Variants in KIAA1328 observed in about 807,000 individuals in gnomAD.
The protein encoded by KIAA1328 is KIAA1328.
A neutral mutation model predicts 68.1 loss-of-function variants in KIAA1328; 52 were observed. The observed-to-expected ratio is 0.76, with a 90% CI of 0.61 to 0.96. The LOEUF (loss-of-function observed/expected upper bound fraction) is 0.96. KIAA1328 is among the 40% of genes least tolerant of loss of function. KIAA1328 has a pLI of 0.00. For synonymous variants in KIAA1328, 232 were observed against 239.4 expected, an observed-to-expected ratio of 0.97 and a Z score of 0.28; for missense variants, 641 against 677.6, an observed-to-expected ratio of 0.95 and a Z score of 0.60.
At chr18:36,993,259 C>A (rs1366734297) in intron 6 of KIAA1328, among the ~76,000 whole-genome samples, 1 of 152,204 alleles carries the variant, frequency 6.6e-6, no homozygotes, top group Non-Finnish European at 1.5e-5. Context: ...TTAGAACATT[C>A]TTTCAAGTAT....
At chr18:36,873,861 C>T (rs1268226933) in intron 4 of KIAA1328, among the ~76,000 whole-genome samples, 2 of 152,114 alleles carry the variant, frequency 1.3e-5, no homozygotes, top group Non-Finnish European at 2.9e-5. Flanking sequence ...CTACAGGCCA[C>T]AGTGTGTGAT....
intron 6 of KIAA1328, among the ~76,000 whole-genome samples, chr18:37,004,210 A>T (rs1174642113): frequency 6.6e-6 from 1 of 152,102 alleles, no homozygotes; most frequent in Admixed American, 6.6e-5. Flanking sequence ...GATCGTACCC[A>T]TCCATGAGCA....
chr18:36,976,751 A>C (rs1242168672), intron 6 of KIAA1328, among the ~76,000 whole-genome samples: 1 of 152,120 alleles, frequency 6.6e-6, no homozygotes, highest in Non-Finnish European at 1.5e-5. Context: ...ATTTGATGTT[A>C]TCTAAGATTC....
At chr18:36,961,058 A>G (rs2051647343) in intron 6 of KIAA1328, among the ~76,000 whole-genome samples, 1 of 152,200 alleles carries the variant, frequency 6.6e-6, no homozygotes, top group Non-Finnish European at 1.5e-5. Flanking sequence ...CAAGGAAGCT[A>G]AAAACCTTGA....
intron 6 of KIAA1328, among the ~76,000 whole-genome samples, chr18:37,048,521 A>T (rs182944738): frequency 6.6e-6 from 1 of 152,180 alleles, no homozygotes; most frequent in Middle Eastern, 3.2e-3. Flanking sequence ...GATACAGCAC[A>T]TATTTTTTAG....
chr18:37,168,467 C>T (rs1294511563), intron 8 of KIAA1328, among the ~76,000 whole-genome samples: 1 of 152,154 alleles, frequency 6.6e-6, no homozygotes, highest in Non-Finnish European at 1.5e-5. Flanking sequence ...CTCCGAATGT[C>T]CCTCAATAGC....
intron 9 of KIAA1328, among the ~76,000 whole-genome samples, chr18:37,211,872 G>C (rs560579577): frequency 3.6e-4 from 55 of 152,210 alleles, no homozygotes; most frequent in African/African-American, 1.3e-3. Context: ...CTGGATTTCA[G>C]TTTGCACCTC....
At chr18:37,155,738 C>T (rs1452400842) in intron 7 of KIAA1328, among the ~76,000 whole-genome samples, 9 of 152,148 alleles carry the variant, frequency 5.9e-5, no homozygotes, top group Admixed American at 5.2e-4. Context: ...GCATGGAAAA[C>T]GCAACCTTTC....
chr18:36,978,695 TATTTCTTGTAC>T (rs1463046874), intron 6 of KIAA1328, among the ~76,000 whole-genome samples: 3 of 152,228 alleles, frequency 2.0e-5, no homozygotes, highest in Non-Finnish European at 4.4e-5. Context: ...TGGCCATTTA[TATTTCTTGTAC>T]ATGAGAGCAC....
chr18:36,902,224 A>G (rs2049063005), intron 5 of KIAA1328: 1 of 151,426 alleles, frequency 6.6e-6, no homozygotes, highest in Non-Finnish European at 1.5e-5. Flanking sequence ...TTATAAAGCT[A>G]TTTGTGATTG....
At chr18:37,047,260 CT>C (rs1347142949) in intron 6 of KIAA1328, among the ~76,000 whole-genome samples, 1 of 152,074 alleles carries the variant, frequency 6.6e-6, no homozygotes, top group Admixed American at 6.5e-5. Context: ...TCCTTTTTGT[CT>C]TCTACTATCT....
intron 7 of KIAA1328, among the ~76,000 whole-genome samples, chr18:37,154,910 G>C (rs371001309): frequency 6.6e-6 from 1 of 151,924 alleles, no homozygotes; most frequent in Admixed American, 6.6e-5. Flanking sequence ...TTCCTGGACC[G>C]AATGGTTGAC....
At chr18:36,981,312 A>G (rs2052677234) in intron 6 of KIAA1328, among the ~76,000 whole-genome samples, 1 of 114,270 alleles carries the variant, frequency 8.8e-6, no homozygotes, top group African/African-American at 2.7e-5. Context: ...CTGTGACAGA[A>G]TAAACCGTAA....
At chr18:37,229,641 G>A (rs529034515), downstream of KIAA1328, 63 of 962,828 alleles carry the variant, frequency 6.5e-5, no homozygotes, top group East Asian at 6.3e-4. Context: ...TTGGGAGGCC[G>A]AGGCAGCCGG....
chr18:37,161,073 C>T (rs375343316), intron 8 of KIAA1328, among the ~76,000 whole-genome samples: 28 of 152,148 alleles, frequency 1.8e-4, no homozygotes, highest in African/African-American at 6.7e-4. Flanking sequence ...GTACAGGAAA[C>T]AAAAGACCAA....
At chr18:36,877,791 C>T (rs1048587316) in intron 4 of KIAA1328, among the ~76,000 whole-genome samples, 9 of 151,332 alleles carry the variant, frequency 5.9e-5, no homozygotes, top group African/African-American at 1.2e-4. Context: ...CTCAGCCTCC[C>T]GAGTAGCTGG....
intron 6 of KIAA1328, among the ~76,000 whole-genome samples, chr18:36,995,759 A>C (rs1202182667): frequency 1.3e-5 from 2 of 152,162 alleles, no homozygotes; most frequent in African/African-American, 2.4e-5. Context: ...GATTTGGAAA[A>C]ACTCTAGATA....
intron 6 of KIAA1328, among the ~76,000 whole-genome samples, chr18:37,010,441 TAAAAAAAAAAA>T (rs59927777): frequency 2.2e-5 from 2 of 90,316 alleles, no homozygotes; most frequent in East Asian, 4.0e-4. Context: ...AGACACCATC[TAAAAAAAAAAA>T]AAAAAAAAAA....
chr18:36,966,866 G>T (rs923594280), intron 6 of KIAA1328, among the ~76,000 whole-genome samples: 1 of 152,160 alleles, frequency 6.6e-6, no homozygotes, highest in Non-Finnish European at 1.5e-5. Context: ...ATCCTGATCA[G>T]AATTCCAGCA....
Sources: gnomAD v4.1 joint callset for allele counts (sites outside exome capture counted in the v4.1 genomes callset) on GRCh38, gnomAD v4.1.1 for gene constraint, MANE v1.5 for transcripts, NCBI Gene and HGNC (gene_info 2026-07-23, HGNC 2026-07-21) for gene names.